The following MAP2K2 variants were observed in gnomAD, a reference collection of about 807,000 sequenced individuals.
The protein encoded by MAP2K2 is dual specificity mitogen-activated protein kinase kinase 2.
A neutral mutation model predicts 43.7 loss-of-function variants in MAP2K2; 24 were observed. That is an observed-to-expected ratio of 0.55 (90% CI 0.40 to 0.77). The LOEUF is 0.77. Ranked by LOEUF, MAP2K2 falls within the 30% of genes least tolerant of loss-of-function variation. The pLI is 0.00. For missense variants in MAP2K2, 470 were observed against 566.8 expected (o/e 0.83, Z 1.73); for synonymous variants, 244 against 239.7 (o/e 1.02, Z -0.17).
At chr19:4,105,266 CTT>C (rs2041071527) in intron 3 of MAP2K2, among the ~76,000 whole-genome samples, 1 of 146,484 alleles carries the variant, frequency 6.8e-6, no homozygotes, top group Non-Finnish European at 1.5e-5. Flanking sequence ...ACACATTTTT[CTT>C]TCTTTTTTTT....
At chr19:4,112,459 G>T (rs1474790070) in intron 2 of MAP2K2, among the ~76,000 whole-genome samples, 3 of 152,240 alleles carry the variant, frequency 2.0e-5, no homozygotes, top group Non-Finnish European at 4.4e-5. Context: ...ACGGAGGCAT[G>T]AAGGAGCCCT....
chr19:4,121,062 C>T (rs991503827), intron 1 of MAP2K2, among the ~76,000 whole-genome samples: 6 of 151,416 alleles, frequency 4.0e-5, no homozygotes, highest in African/African-American at 7.3e-5. Flanking sequence ...CCCCGGGGAT[C>T]GCCCTGCCCT....
chr19:4,103,869 G>A (rs1247939152), intron 3 of MAP2K2, among the ~76,000 whole-genome samples: 1 of 152,254 alleles, frequency 6.6e-6, no homozygotes, highest in Non-Finnish European at 1.5e-5. Context: ...GACAGCCCAG[G>A]AGGAGGTGCC....
chr19:4,094,617 AC>A, intron 9 of MAP2K2, 119 bp from the exon 10 acceptor site: 2 of 945,214 alleles, frequency 2.1e-6, no homozygotes, highest in Non-Finnish European at 3.3e-6. Context: ...GATCTCTCCG[AC>A]CAGAGAGAGT....
intron 2 of MAP2K2, among the ~76,000 whole-genome samples, chr19:4,114,180 C>A (rs2145075489): frequency 6.6e-6 from 1 of 152,258 alleles, no homozygotes; most frequent in African/African-American, 2.4e-5. Context: ...TAGGGGACCG[C>A]AGTGCAGTGG....
chr19:4,121,986 C>G lies in MAP2K2; in HGVS notation c.92+1798G>C, dbSNP rs550897008. Among the ~76,000 whole-genome samples, 21 of 128,294 alleles carry G rather than the reference C, an allele frequency of 1.6e-4. 3 individuals are homozygous for G. The highest frequency in any genetic ancestry group is 3.0e-4 in the African/African-American group (10 of 33,254). 84.2% of individuals were successfully genotyped at this position (128,294 alleles called of 152,430 possible). On this transcript the variant is annotated intron_variant, in intron 1 of 10. Transcript: ENST00000262948. ...TCTATGGACCTCCTCACCCCATCCTCTCCCCTAAGGGACCCCCCTGCCCCA... is the reference window on the plus strand; with the variant it reads ...TCTATGGACCTCCTCACCCCATCCTGTCCCCTAAGGGACCCCCCTGCCCCA...
chr19:4,102,325 G>A (rs763332383), intron 4 of MAP2K2, 51 bp downstream of exon 4: 1 of 1,461,366 alleles, frequency 6.8e-7, no homozygotes, highest in South Asian at 1.2e-5. Context: ...GTGTGGAAGA[G>A]GTCCGTGCAG....
rs1377552828 is a variant in MAP2K2, at chr19:4,099,326, T to C, written c.794A>G (p.Tyr265Cys). The change falls in exon 7 of 11, where the codon TAC becomes TGC. Residue 265 changes from tyrosine to cysteine, a missense_variant. Physicochemically the swap from Tyr to Cys is radical, Grantham distance 194. Transcript: ENST00000262948. ...TTTGGCGTCGGGCGGGGGGATGGGG[T>C]ACCTTCCGACGGCCAGCTCCACCAG... Reference protein sequence around the residue: ...LSLVELAVGRYPIPPPDAKEL... With the variant: ...LSLVELAVGRCPIPPPDAKEL... 6.2e-7 allele frequency: 1 copy of C among 1,608,748 alleles called. No homozygotes were observed. Among genetic ancestry groups the C allele is most frequent in the Middle Eastern group, 1.7e-4 (1 of 6,058 alleles).
intron 2 of MAP2K2, among the ~76,000 whole-genome samples, chr19:4,114,084 G>C (rs1275530071): frequency 6.6e-6 from 1 of 152,190 alleles, no homozygotes; most frequent in Non-Finnish European, 1.5e-5. Flanking sequence ...CTTCAGGCCA[G>C]GAGTTCAACA....
chr19:4,111,056 T>G (rs1420898870), intron 2 of MAP2K2, among the ~76,000 whole-genome samples: 1 of 152,072 alleles, frequency 6.6e-6, no homozygotes, highest in African/African-American at 2.4e-5. Context: ...ACATAATATG[T>G]GATCCCATTT....
Position 4,090,633 on chromosome 19 carries a change from T to A in MAP2K2, c.1168A>T (p.Asn390Tyr). 6.4e-7 allele frequency: 1 copy of A among 1,554,806 alleles called. No homozygotes were observed. The highest frequency in any genetic ancestry group is 1.2e-5 in the South Asian group (1 of 84,438). Residue 390 changes from asparagine (N) to tyrosine (Y), a missense_variant, in exon 11 of 11, where the codon AAC (asparagine) becomes TAC (tyrosine). Around this residue, in one of 3 missense-constraint regions of MAP2K2, gnomAD observed 212 missense variants for 220.8 expected, o/e 0.96. Transcript: ENST00000262948. ...GTGCGCGTGGGTGTGCCGGGCTGGT[T>A]CAGCCGCAGGGTTTTACACAACCAG... ...AGWLCKTLRL[N>Y]QPGTPTRTAV
chr19:4,100,441 A>AAC (rs1178823594), intron 6 of MAP2K2: 1 of 152,514 alleles, frequency 6.6e-6, no homozygotes, highest in African/African-American at 2.4e-5. Flanking sequence ...AAAAAAAAAA[A>AAC]AAAAAAAAAA....
chr19:4,102,292 G>C, intron 4 of MAP2K2, 84 bp downstream of exon 4: 2 of 1,213,048 alleles, frequency 1.6e-6, no homozygotes, highest in Non-Finnish European at 2.4e-6. Flanking sequence ...ACCACACTGT[G>C]AGTGGCTCCC....
At chr19:4,095,335 G>T in intron 9 of MAP2K2, 53 bp downstream of exon 9, 2 of 1,503,864 alleles carry the variant, frequency 1.3e-6, no homozygotes, top group South Asian at 1.2e-5. Context: ...GACCCGGAAG[G>T]AGTGGCACAT....
intron 1 of MAP2K2, 92 bp downstream of exon 1, chr19:4,123,692 T>TCCTCGCGAACCCCCGTCC: frequency 4.2e-6 from 2 of 481,864 alleles, no homozygotes; most frequent in South Asian, 2.2e-5. Context: ...CCTCGTGCAC[T>TCCTCGCGAACCCCCGTCC]CCTCGCGAAC....
At chr19:4,095,803 C>G (rs2040910104) in intron 8 of MAP2K2, among the ~76,000 whole-genome samples, 1 of 152,218 alleles carries the variant, frequency 6.6e-6, no homozygotes, top group African/African-American at 2.4e-5. Flanking sequence ...TTGAGACAGT[C>G]TCGCTCTGTT....
chr19:4,118,146 C>G (rs2041249400), intron 1 of MAP2K2, among the ~76,000 whole-genome samples: 1 of 152,138 alleles, frequency 6.6e-6, no homozygotes, highest in South Asian at 2.1e-4. Context: ...CCATGTTGGT[C>G]AGGCTGGTCT....
intron 1 of MAP2K2, 57 bp from the exon 2 acceptor site, chr19:4,117,686 T>C (rs1314006635): frequency 5.2e-6 from 8 of 1,530,764 alleles, no homozygotes; most frequent in African/African-American, 2.7e-5. Context: ...ATCTGGCCGT[T>C]TGCTATGTGG....
intron 8 of MAP2K2, 52 bp downstream of exon 8, chr19:4,097,227 A>AAG (rs1462629410): frequency 3.2e-6 from 4 of 1,231,264 alleles, no homozygotes; most frequent in South Asian, 2.7e-5. Context: ...AAAAAAAAAA[A>AAG]AGAAAGAAGA....
Sources: allele counts gnomAD v4.1 joint callset (sites outside exome capture counted in the v4.1 genomes callset), GRCh38; gene constraint gnomAD v4.1.1; regional missense constraint gnomAD v4.1.1; transcripts MANE v1.5; gene names NCBI Gene and HGNC (gene_info 2026-07-23, HGNC 2026-07-21).